Variants in BDH1 observed in about 807,000 individuals in gnomAD.
The protein encoded by BDH1 is D-beta-hydroxybutyrate dehydrogenase, mitochondrial.
In BDH1, 30 loss-of-function variants were observed where a neutral mutation model predicts 33.1. That is an observed-to-expected ratio of 0.91 (90% CI 0.68 to 1.23). The LOEUF (loss-of-function observed/expected upper bound fraction) is 1.23, where lower values mean the gene tolerates loss of function less well. BDH1 is among the 50% of genes most tolerant of loss of function. The probability of loss-of-function intolerance (pLI) is 0.00; values close to 1 mark genes in which losing one functional copy is unlikely to be tolerated. For synonymous variants in BDH1, 190 were observed against 183.6 expected, an observed-to-expected ratio of 1.03 and a Z score of -0.28; for missense variants, 443 against 464.4, an observed-to-expected ratio of 0.95 and a Z score of 0.42.
chr3:197,519,536 C>T (rs1212434260), intron 6 of BDH1, among the ~76,000 whole-genome samples: 9 of 151,302 alleles, frequency 5.9e-5, no homozygotes, highest in Non-Finnish European at 1.0e-4. Context: ...TGGTGGCAGG[C>T]GCCTGTAATC....
chr3:197,568,660 C>G (rs1427699855), intron 1 of BDH1, among the ~76,000 whole-genome samples: 4 of 152,038 alleles, frequency 2.6e-5, no homozygotes, highest in Non-Finnish European at 4.4e-5. Flanking sequence ...TGTTTAAGCA[C>G]AAGCATTTTG....
intron 3 of BDH1, among the ~76,000 whole-genome samples, chr3:197,542,619 G>A (rs980029338): frequency 4.1e-5 from 6 of 147,010 alleles, no homozygotes; most frequent in African/African-American, 1.6e-4. Context: ...TTCCTCCCGG[G>A]TTCAAGCGAT....
At chr3:197,529,786 G>A (rs575809451) in intron 5 of BDH1, 18 of 152,162 alleles carry the variant, frequency 1.2e-4, no homozygotes, top group African/African-American at 3.9e-4. Flanking sequence ...GAAATTTTAC[G>A]TTGGGTATCA....
At chr3:197,544,095 C>T (rs1440781465) in intron 3 of BDH1, among the ~76,000 whole-genome samples, 1 of 152,116 alleles carries the variant, frequency 6.6e-6, no homozygotes, top group Non-Finnish European at 1.5e-5. Flanking sequence ...AGGCCCTTTC[C>T]AACTGAGACT....
intron 1 of BDH1, among the ~76,000 whole-genome samples, chr3:197,570,944 A>T (rs570799540): frequency 7.2e-5 from 11 of 152,338 alleles, no homozygotes; most frequent in African/African-American, 2.2e-4. Context: ...AAAGTCACAG[A>T]CACTCAATGC....
In BDH1 at chr3:197,521,740, C is replaced by T. The variant is rs2108724403; in HGVS notation, c.409+900G>A. Among the ~76,000 whole-genome samples, 1 of 152,294 alleles carries T rather than the reference C, an allele frequency of 6.6e-6. No homozygotes were observed. The highest frequency in any genetic ancestry group is 2.1e-4 in the South Asian group (1 of 4,822). Reference sequence around the variant, plus strand: ...CATCCAAGTCACCAAGTCCAGGCAGCTTCGCCTTCTCAACACTCCTCGCAC... The same window carrying T: ...CATCCAAGTCACCAAGTCCAGGCAGTTTCGCCTTCTCAACACTCCTCGCAC... On this transcript the variant is annotated intron_variant, in intron 6 of 7. Transcript: ENST00000392379. This position sits in a 1 kb window ranked among gnomAD's most constrained non-coding sequence, Gnocchi z 4.9.
intron 3 of BDH1, among the ~76,000 whole-genome samples, chr3:197,535,499 C>T (rs1210808549): frequency 6.6e-6 from 1 of 152,170 alleles, no homozygotes; most frequent in Admixed American, 6.5e-5. Flanking sequence ...ATTACTTCTG[C>T]CTTCAGGATC....
At chr3:197,551,665 G>A (rs934146390) in intron 2 of BDH1, among the ~76,000 whole-genome samples, 5 of 152,088 alleles carry the variant, frequency 3.3e-5, no homozygotes, top group South Asian at 4.1e-4. Flanking sequence ...CTCTGTAGTG[G>A]TTGTACTAAT....
intron 1 of BDH1, among the ~76,000 whole-genome samples, chr3:197,571,702 T>G (rs1717612217): frequency 6.6e-6 from 1 of 152,242 alleles, no homozygotes; most frequent in South Asian, 2.1e-4. Context: ...CCTCTTTTTC[T>G]TTATAAATTA....
At chr3:197,533,067 G>A (rs959570084) in intron 4 of BDH1, among the ~76,000 whole-genome samples, 1 of 152,124 alleles carries the variant, frequency 6.6e-6, no homozygotes, top group African/African-American at 2.4e-5. Flanking sequence ...AGTAGAGATG[G>A]GGTTTCTCCA....
chr3:197,532,370 A>C, intron 5 of BDH1, 42 bp downstream of exon 5: 1 of 1,538,570 alleles, frequency 6.5e-7, no homozygotes, highest in Non-Finnish European at 9.0e-7. Flanking sequence ...AACAATGACT[A>C]TGTGTAAAAG....
rs183131131 is a variant in BDH1, at chr3:197,512,126, G to C, written c.801C>G (p.Val267=). The C allele has an allele frequency of 1.9e-6, 3 of 1,614,164 alleles. No individual in the cohort carries two copies. The Admixed American group carries it at 5.0e-5, about 27-fold the overall frequency. Residue 267 remains valine (V), a synonymous_variant, in exon 8 of 8, where the codon GTC becomes GTG. Coordinates refer to ENST00000392379, the MANE Select transcript of BDH1 (RefSeq NM_203314.3). ...ACTTCTTGCCGTAGTCCTTGCGCACGACCTCAGGCAGCTCCTCCCACATCT... is the reference window on the plus strand; with the variant it reads ...ACTTCTTGCCGTAGTCCTTGCGCACCACCTCAGGCAGCTCCTCCCACATCT... ...AKKMWEELPE[V]VRKDYGKKYF... is the part of the protein sequence containing the mutation.
intron 5 of BDH1, among the ~76,000 whole-genome samples, chr3:197,531,371 T>G (rs1714626501): frequency 1.3e-5 from 2 of 150,446 alleles, no homozygotes; most frequent in African/African-American, 4.9e-5. Flanking sequence ...CACTCCAGCC[T>G]GGGAGACAAA....
chr3:197,547,314 G>A (rs1716169305), intron 2 of BDH1, among the ~76,000 whole-genome samples: 1 of 152,186 alleles, frequency 6.6e-6, no homozygotes, highest in African/African-American at 2.4e-5. Context: ...TGGTAAATGG[G>A]TTCCAGCCTC....
chr3:197,512,500 G>T, intron 7 of BDH1, 136 bp from the exon 8 acceptor site: 1 of 882,882 alleles, frequency 1.1e-6, no homozygotes, highest in Non-Finnish European at 1.7e-6. Flanking sequence ...AATAGGCAAG[G>T]CCAGCTCAGG....
chr3:197,527,697 C>T lies in BDH1; in HGVS notation c.267+4715G>A, dbSNP rs368732823. Among the ~76,000 whole-genome samples, 4 of 152,116 alleles carry T rather than the reference C, an allele frequency of 2.6e-5. No homozygotes were observed. In the East Asian group the frequency reaches 5.8e-4, roughly 22 times the overall value. ...TTCTCAGATGCACCCTGCACACTCC[C>T]TCCTGGAGCTCTGTACTGCACTGTC... On this transcript the variant is annotated intron_variant, in intron 5 of 7. Transcript: ENST00000392379.
intron 3 of BDH1, chr3:197,538,484 C>A (rs1323982235): frequency 7.0e-6 from 3 of 427,456 alleles, no homozygotes; most frequent in Non-Finnish European, 1.4e-5. Context: ...CCTGAGTAGC[C>A]GGGACTACAG....
chr3:197,539,416 A>T (rs764929854), intron 3 of BDH1, among the ~76,000 whole-genome samples: 13 of 152,238 alleles, frequency 8.5e-5, no homozygotes, highest in Non-Finnish European at 1.8e-4. Context: ...CTGGGATTAC[A>T]GGTGTGAGCC....
rs1713604716 is a variant in BDH1 at position 197,522,023 on chromosome 3, TG to T, written c.409+616del. 6.6e-6 allele frequency among the ~76,000 whole-genome samples: 1 copy of T among 152,102 alleles called. No individual in the cohort carries two copies. Among genetic ancestry groups the T allele is most frequent in the African/African-American group, 2.4e-5 (1 of 41,410 alleles). On this transcript the variant is annotated intron_variant, in intron 6 of 7. Transcript: ENST00000392379. This position sits in a 1 kb window ranked among gnomAD's most constrained non-coding sequence, Gnocchi z 4.8. Reference sequence around the variant, plus strand: ...CTCCTTTGCTGCCACCCCCTCTGCGTGACCTGACCCATGACTCATATTGAGG... The same window carrying T: ...CTCCTTTGCTGCCACCCCCTCTGCGTACCTGACCCATGACTCATATTGAGG...
Sources: allele counts gnomAD v4.1 joint callset (sites outside exome capture counted in the v4.1 genomes callset), GRCh38; gene constraint gnomAD v4.1.1; non-coding constraint Gnocchi (gnomAD v3.1); transcripts MANE v1.5; gene names NCBI Gene and HGNC (gene_info 2026-07-23, HGNC 2026-07-21).